The following ADCY5 variants were observed in gnomAD, a reference collection of about 807,000 sequenced individuals.
ADCY5 encodes the protein adenylate cyclase 5.
In ADCY5, 30 loss-of-function variants were observed where a neutral mutation model predicts 119.7. That is an observed-to-expected ratio of 0.25 (90% confidence interval 0.19 to 0.34). ADCY5 has a LOEUF of 0.34. Ranked by LOEUF, ADCY5 falls within the 10% of genes least tolerant of loss-of-function variation. The probability of loss-of-function intolerance (pLI) is 1.00; values close to 1 mark genes in which losing one functional copy is unlikely to be tolerated. For missense variants in ADCY5, 1,324 were observed against 1,775.2 expected (o/e 0.75, Z 4.57); for synonymous variants, 753 against 762.2 (o/e 0.99, Z 0.20).
At chr3:123,358,483 C>T (rs1943123499) in intron 1 of ADCY5, among the ~76,000 whole-genome samples, 1 of 152,074 alleles carries the variant, frequency 6.6e-6, no homozygotes, top group South Asian at 2.1e-4. Context: ...CCAGGTAGTC[C>T]CAGCTACTTG....
intron 17 of ADCY5, among the ~76,000 whole-genome samples, chr3:123,292,598 C>G (rs1396580970): frequency 6.6e-6 from 1 of 152,174 alleles, no homozygotes; most frequent in Non-Finnish European, 1.5e-5. Context: ...CTTGCCAAGC[C>G]TTCCTGCCCA....
intron 2 of ADCY5, among the ~76,000 whole-genome samples, chr3:123,349,900 GAC>G (rs781560462): frequency 8.7e-4 from 132 of 152,326 alleles, no homozygotes; most frequent in Admixed American, 1.8e-3. Context: ...AAATACACCA[GAC>G]CATGTCGCCT....
chr3:123,305,456 G>A (rs1576547304), intron 12 of ADCY5, among the ~76,000 whole-genome samples: 1 of 152,114 alleles, frequency 6.6e-6, no homozygotes, highest in Non-Finnish European at 1.5e-5. Flanking sequence ...AAAAAGTGTC[G>A]GGCCCTTGGT....
Position 123,381,375 on chromosome 3 carries a change from C to T in ADCY5, c.1135-28794G>A, listed in dbSNP as rs962363411. 2.6e-5 allele frequency among the ~76,000 whole-genome samples: 4 copies of T among 152,222 alleles called. No individual in the cohort carries two copies. In the South Asian group the frequency reaches 6.2e-4, roughly 24 times the overall value. ...TTCAGGGGAAGAAATCACTATACCTCTTTCTCACAAAAGCCAATCCCAGAA... is the reference window on the plus strand; with the variant it reads ...TTCAGGGGAAGAAATCACTATACCTTTTTCTCACAAAAGCCAATCCCAGAA... On this transcript the variant is annotated intron_variant, in intron 1 of 20. Transcript: ENST00000462833.
At chr3:123,308,360 C>G (rs1940328876) in intron 12 of ADCY5, among the ~76,000 whole-genome samples, 1 of 151,912 alleles carries the variant, frequency 6.6e-6, no homozygotes, top group Non-Finnish European at 1.5e-5. Flanking sequence ...TTTAAAAAGA[C>G]TTTCTCTTGA....
intron 1 of ADCY5, among the ~76,000 whole-genome samples, chr3:123,408,670 C>T (rs1446761408): frequency 8.1e-6 from 1 of 122,758 alleles, no homozygotes; most frequent in Non-Finnish European, 1.7e-5. Context: ...AAAAAAAAAG[C>T]AGACACAAAG....
intron 1 of ADCY5, among the ~76,000 whole-genome samples, chr3:123,398,255 C>T (rs938602415): frequency 6.6e-6 from 1 of 152,012 alleles, no homozygotes; most frequent in African/African-American, 2.4e-5. Flanking sequence ...CCAAGTGCTC[C>T]CCCTGCCCCT....
chr3:123,415,401 C>T (rs1012898144), intron 1 of ADCY5, among the ~76,000 whole-genome samples: 1 of 152,114 alleles, frequency 6.6e-6, no homozygotes, highest in African/African-American at 2.4e-5. Flanking sequence ...CCTGTGGCCT[C>T]GGCCGATCAG....
chr3:123,334,645 G>A (rs1461676811), intron 3 of ADCY5, among the ~76,000 whole-genome samples: 1 of 152,184 alleles, frequency 6.6e-6, no homozygotes, highest in Non-Finnish European at 1.5e-5. Context: ...GGCTGAGGCA[G>A]GAGAATCACT....
chr3:123,302,612 G>GA (rs1471733520), intron 14 of ADCY5, among the ~76,000 whole-genome samples: 5 of 152,156 alleles, frequency 3.3e-5, no homozygotes, highest in Non-Finnish European at 7.3e-5. Flanking sequence ...TCAGGAGCAC[G>GA]AACTCTGTCT....
chr3:123,303,250 G>T (rs765774970), intron 13 of ADCY5, 31 bp from the exon 14 acceptor site: 1 of 1,603,914 alleles, frequency 6.2e-7, no homozygotes. Flanking sequence ...GATGAGGGGA[G>T]GGTAAGCTGC....
At chr3:123,345,769 G>C (rs9683290) in intron 3 of ADCY5, among the ~76,000 whole-genome samples, 64,274 of 114,162 alleles carry the variant, frequency 0.56, 17,470 homozygotes, top group East Asian at 0.74. Flanking sequence ...CAGACAGACA[G>C]ACACACACAC....
chr3:123,399,807 T>G (rs910637977), intron 1 of ADCY5, among the ~76,000 whole-genome samples: 9 of 152,206 alleles, frequency 5.9e-5, no homozygotes, highest in African/African-American at 2.2e-4. Flanking sequence ...CACATTTCAT[T>G]TGTACTGCTT....
At position 123,449,050 on chromosome 3, in the gene ADCY5, C is replaced by T. The variant is rs1471945292; in HGVS notation, c.-505G>A. On this transcript the variant is annotated 5_prime_UTR_variant, in exon 1 of 21. Coordinates refer to ENST00000462833, the MANE Select transcript of ADCY5 (RefSeq NM_183357.3). ...CTCGGCGGGGGTCCCGGCGAAGAGA[C>T]ACTGCGGGTGCGCTTTCCTCGCAGC... The T allele has an allele frequency of 6.5e-6, 1 of 153,626 alleles. No individual in the cohort carries two copies. Among genetic ancestry groups the T allele is most frequent in the Non-Finnish European group, 1.4e-5 (1 of 69,082 alleles). 9.5% of individuals were successfully genotyped at this position (153,626 alleles called of 1,614,324 possible).
chr3:123,333,577 G>A (rs373711963), intron 3 of ADCY5, among the ~76,000 whole-genome samples: 106 of 152,334 alleles, frequency 7.0e-4, no homozygotes, highest in African/African-American at 2.4e-3. Context: ...GTGCTCTAAC[G>A]GCACCCTCCC....
intron 11 of ADCY5, among the ~76,000 whole-genome samples, chr3:123,317,409 G>A (rs1465368836): frequency 6.6e-6 from 1 of 151,562 alleles, no homozygotes; most frequent in Admixed American, 6.6e-5. Flanking sequence ...GTGATGGGGT[G>A]GGTTAATGGG....
At chr3:123,326,184 C>T (rs2108377087) in intron 7 of ADCY5, among the ~76,000 whole-genome samples, 1 of 152,344 alleles carries the variant, frequency 6.6e-6, no homozygotes, top group Middle Eastern at 3.4e-3. Context: ...GAGGCCACTT[C>T]CAAAGAGGTT....
At chr3:123,310,149 C>CACACACACACACACAG (rs1031301955) in intron 12 of ADCY5, among the ~76,000 whole-genome samples, 2 of 147,724 alleles carry the variant, frequency 1.4e-5, no homozygotes, top group African/African-American at 5.1e-5. Flanking sequence ...CACACACACA[C>CACACACACACACACAG]AGCTACGCAG....
At chr3:123,325,584 C>G in intron 7 of ADCY5, 122 bp from the exon 8 acceptor site, 1 of 1,308,300 alleles carries the variant, frequency 7.6e-7, no homozygotes, top group Admixed American at 1.8e-5. Flanking sequence ...CCTCTCTGCA[C>G]AGCCCTGGAG....
Sources: gnomAD v4.1 joint callset for allele counts (sites outside exome capture counted in the v4.1 genomes callset) on GRCh38, gnomAD v4.1.1 for gene constraint, MANE v1.5 for transcripts, NCBI Gene and HGNC (gene_info 2026-07-23, HGNC 2026-07-21) for gene names.